ANXA10: variants seen among roughly 807,000 people sequenced by gnomAD.
ANXA10 encodes annexin A10.
In ANXA10, 49 loss-of-function variants were observed where a neutral mutation model predicts 53.5. That is an observed-to-expected ratio of 0.92 (90% CI 0.73 to 1.16). The LOEUF (loss-of-function observed/expected upper bound fraction) is 1.16. Ranked by LOEUF, ANXA10 falls within the 50% of genes most tolerant of loss-of-function variation. The probability of loss-of-function intolerance (pLI) is 0.00; values close to 1 mark genes in which losing one functional copy is unlikely to be tolerated. For synonymous variants in ANXA10, 131 were observed against 128.9 expected, an observed-to-expected ratio of 1.02 and a Z score of -0.11; for missense variants, 393 against 394.4, an observed-to-expected ratio of 1.00 and a Z score of 0.03.
intron 5 of ANXA10, among the ~76,000 whole-genome samples, 157 bp downstream of exon 5, chr4:168,164,445 T>G (rs1004346003): frequency 6.6e-6 from 1 of 152,166 alleles, no homozygotes; most frequent in African/African-American, 2.4e-5. Context: ...GTAAAACCGA[T>G]TATTAGTGCA....
At chr4:168,162,500 A>C in intron 3 of ANXA10, 28 bp from the exon 4 acceptor site, 1 of 1,506,100 alleles carries the variant, frequency 6.6e-7, no homozygotes, top group Non-Finnish European at 9.2e-7. Flanking sequence ...GTAACATATA[A>C]TAAATATATG....
rs61179704 is a variant in ANXA10, at chr4:168,153,422, C to CAAAAAAAAAA, written c.196-9096_196-9087dup. Reference sequence around the variant, plus strand: ...GCTTCAAGCTGCTAAAAGCCTAAAGCAAAAAAAAAAAAAAAAAAACAAAAA... The same window carrying CAAAAAAAAAA: ...GCTTCAAGCTGCTAAAAGCCTAAAGCAAAAAAAAAAAAAAAAAAAAAAAAAAAAACAAAAA... On this transcript the variant is annotated intron_variant, in intron 3 of 11. Coordinates refer to ENST00000359299, the MANE Select transcript of ANXA10 (RefSeq NM_007193.5). Among the ~76,000 whole-genome samples, 24 of 43,506 alleles carry CAAAAAAAAAA rather than the reference C, an allele frequency of 5.5e-4. 1 individual carries two copies. Among genetic ancestry groups the CAAAAAAAAAA allele is most frequent in the African/African-American group, 9.5e-4 (12 of 12,580 alleles). 28.5% of individuals were successfully genotyped at this position (43,506 alleles called of 152,430 possible). A position where few individuals can be genotyped will look rare whatever the true frequency, so the allele number is the denominator to read the frequency against.
At chr4:168,178,882 C>T (rs1004757224) in intron 8 of ANXA10, among the ~76,000 whole-genome samples, 1 of 152,166 alleles carries the variant, frequency 6.6e-6, no homozygotes, top group African/African-American at 2.4e-5. Flanking sequence ...TGACATAAGC[C>T]TATTATATAT....
In ANXA10 at chr4:168,127,958, A is replaced by G. The variant is rs1731099001; in HGVS notation, c.19-126A>G. On this transcript the variant is annotated intron_variant, in intron 1 of 11. Transcript: ENST00000359299. The stretch of plus-strand genomic sequence containing the variant: ...AGGTTGGTCTTCAACTCCTGACTTC[A>G]GGTGATCCACCCACCTCTGCCTCCC... 8 of 772,718 alleles carry G rather than the reference A, an allele frequency of 1.0e-5. No homozygotes were observed. In the African/African-American group the frequency reaches 1.2e-4, roughly 12 times the overall value. 47.9% of individuals were successfully genotyped at this position (772,718 alleles called of 1,614,324 possible).
rs1394632869 is a variant in ANXA10 at position 168,153,439 on chromosome 4, AAACAAAAACAAAAACAAAAC to A, written c.196-9086_196-9067del. Among the ~76,000 whole-genome samples, 231 of 51,650 alleles carry A rather than the reference AAACAAAAACAAAAACAAAAC, an allele frequency of 4.5e-3. 8 individuals carry two copies. Among genetic ancestry groups the A allele is most frequent in the African/African-American group, 6.6e-3 (93 of 14,152 alleles). 33.9% of individuals were successfully genotyped at this position (51,650 alleles called of 152,430 possible). On this transcript the variant is annotated intron_variant, in intron 3 of 11. Coordinates refer to ENST00000359299, the MANE Select transcript of ANXA10 (RefSeq NM_007193.5). ...GCCTAAAGCAAAAAAAAAAAAAAAA[AAACAAAAACAAAAACAAAAC>A]AAAAAAAAAAACCAATAACAACAAC...
rs191883893 is a variant in ANXA10 at position 168,148,546 on chromosome 4, C to G, written c.195+8966C>G. Reference sequence around the variant, plus strand: ...CCTATGTTCACAATAACATCTCTTACCTCAAGTTTTTTCCTGTAATTGACA... The same window carrying G: ...CCTATGTTCACAATAACATCTCTTAGCTCAAGTTTTTTCCTGTAATTGACA... On this transcript the variant is annotated intron_variant, in intron 3 of 11. Transcript: ENST00000359299. Among the ~76,000 whole-genome samples the G allele has an allele frequency of 1.3e-3, 200 of 152,256 alleles. 2 individuals carry two copies. The highest frequency in any genetic ancestry group is 8.9e-3 in the Admixed American group (136 of 15,286).
At chr4:168,125,978 G>T (rs1731061839) in intron 1 of ANXA10, among the ~76,000 whole-genome samples, 1 of 152,112 alleles carries the variant, frequency 6.6e-6, no homozygotes, top group Non-Finnish European at 1.5e-5. Context: ...TTTTGGCTTA[G>T]ACAAGTTATA....
At chr4:168,125,016 C>T (rs541566318) in intron 1 of ANXA10, among the ~76,000 whole-genome samples, 7 of 152,184 alleles carry the variant, frequency 4.6e-5, no homozygotes, top group Non-Finnish European at 1.0e-4. Context: ...CTGAAGGGCT[C>T]GTTAACTGCG....
intron 1 of ANXA10, among the ~76,000 whole-genome samples, chr4:168,110,268 G>A (rs1484770562): frequency 6.6e-6 from 1 of 152,090 alleles, no homozygotes; most frequent in South Asian, 2.1e-4. Context: ...GTTAGAAGTA[G>A]AAACCTGTTA....
intron 5 of ANXA10, 51 bp downstream of exon 5, chr4:168,164,339 A>T (rs920346545): frequency 7.8e-7 from 1 of 1,288,172 alleles, no homozygotes; most frequent in African/African-American, 1.5e-5. Context: ...AGAACTTTAT[A>T]ACACATTAAA....
chr4:168,161,929 TA>T (rs1307069551), intron 3 of ANXA10, among the ~76,000 whole-genome samples: 3 of 152,190 alleles, frequency 2.0e-5, no homozygotes, highest in African/African-American at 7.2e-5. Flanking sequence ...ATTTGTAAAA[TA>T]AAATGCAAAA....
intron 2 of ANXA10, 22 bp downstream of exon 2, chr4:168,128,187 A>G: frequency 1.3e-6 from 2 of 1,586,668 alleles, no homozygotes; most frequent in Non-Finnish European, 1.7e-6. Context: ...TATTTCTACC[A>G]TCTTTTATTG....
At position 168,162,556 on chromosome 4, in the gene ANXA10, T is replaced by A; in HGVS notation, c.224T>A (p.Leu75His). 2 of 1,613,950 alleles carry A rather than the reference T, an allele frequency of 1.2e-6. No individual in the cohort carries two copies. The highest frequency in any genetic ancestry group is 4.5e-5 in the East Asian group (2 of 44,876). The change falls in exon 4 of 12, where the codon CTT (leucine) becomes CAT (histidine). Residue 75 changes from leucine to histidine, a missense_variant. Coordinates refer to ENST00000359299, the MANE Select transcript of ANXA10 (RefSeq NM_007193.5). The stretch of plus-strand genomic sequence containing the variant: ...CTGATTGGGGATATGAGGGAGCAGC[T>A]TTCGGATCACTTCAAAGATGTGATG... ...RDLIGDMREQ[L>H]SDHFKDVMAG...
chr4:168,133,219 A>G (rs1172204060), intron 2 of ANXA10, among the ~76,000 whole-genome samples: 27 of 152,120 alleles, frequency 1.8e-4, no homozygotes, highest in Admixed American at 1.8e-3. Context: ...TTCAAGAAAA[A>G]AATATGTGTG....
intron 2 of ANXA10, among the ~76,000 whole-genome samples, chr4:168,135,674 G>C (rs1282822269): frequency 6.6e-6 from 1 of 152,162 alleles, no homozygotes; most frequent in Non-Finnish European, 1.5e-5. Context: ...CTATATTAGG[G>C]AGGAGATAGA....
At chr4:168,127,792 T>C in intron 1 of ANXA10, 1 of 551,020 alleles carries the variant, frequency 1.8e-6, no homozygotes, top group Non-Finnish European at 3.3e-6. Context: ...TTCATTTTCA[T>C]TTGTCTGGAA....
chr4:168,165,612 G>A (rs552184091), intron 6 of ANXA10, among the ~76,000 whole-genome samples: 144 of 152,086 alleles, frequency 9.5e-4, no homozygotes, highest in Admixed American at 2.6e-3. Flanking sequence ...TTTATATTCT[G>A]AGAAAATTAA....
chr4:168,103,327 A>G (rs1266810048), intron 1 of ANXA10, among the ~76,000 whole-genome samples: 1 of 151,976 alleles, frequency 6.6e-6, no homozygotes, highest in Non-Finnish European at 1.5e-5. Context: ...ACAAATTTTG[A>G]ATCAATTTTT....
intron 3 of ANXA10, among the ~76,000 whole-genome samples, chr4:168,155,438 T>A (rs1453873930): frequency 4.5e-5 from 3 of 67,050 alleles, no homozygotes; most frequent in Non-Finnish European, 7.9e-5. Flanking sequence ...TAATTATATA[T>A]AATTATGAAT....
Sources: gnomAD v4.1 joint callset for allele counts (sites outside exome capture counted in the v4.1 genomes callset) on GRCh38, gnomAD v4.1.1 for gene constraint, MANE v1.5 for transcripts, NCBI Gene and HGNC (gene_info 2026-07-23, HGNC 2026-07-21) for gene names.